Variants in GPC5 observed in about 807,000 individuals in gnomAD.
GPC5 encodes glypican-5.
A neutral mutation model predicts 53.9 loss-of-function variants in GPC5; 47 were observed. The observed-to-expected ratio is 0.87, with a 90% CI of 0.69 to 1.11. GPC5 has a LOEUF of 1.11. Among genes scored for constraint, GPC5 ranks in the 50% most tolerant of loss-of-function variants. The pLI is 0.00. For missense variants in GPC5, 748 were observed against 713.1 expected (o/e 1.05, Z -0.56); for synonymous variants, 286 against 263.3 (o/e 1.09, Z -0.84).
At chr13:92,428,923 G>T (rs188853542) in intron 7 of GPC5, among the ~76,000 whole-genome samples, 1 of 152,098 alleles carries the variant, frequency 6.6e-6, no homozygotes, top group East Asian at 1.9e-4. Context: ...ACATGTAAAA[G>T]CTTACTATAT....
chr13:92,787,876 CAA>C (rs11346705), intron 7 of GPC5, among the ~76,000 whole-genome samples: 21 of 85,920 alleles, frequency 2.4e-4, no homozygotes, highest in Admixed American at 4.9e-4. Context: ...GACCCTGTCT[CAA>C]AAAAAAAAAA....
At chr13:92,054,425 T>C (rs1231932157) in intron 6 of GPC5, among the ~76,000 whole-genome samples, 4 of 152,180 alleles carry the variant, frequency 2.6e-5, no homozygotes, top group African/African-American at 9.6e-5. Context: ...TTATTGATCA[T>C]TTACTGTGAA....
At chr13:92,449,510 TG>T in intron 7 of GPC5, among the ~76,000 whole-genome samples, 1 of 152,210 alleles carries the variant, frequency 6.6e-6, no homozygotes, top group African/African-American at 2.4e-5. Flanking sequence ...AATACATGAC[TG>T]TATGCTGTAT....
At chr13:91,646,224 A>C (rs80110037) in intron 2 of GPC5, among the ~76,000 whole-genome samples, 4,726 of 152,246 alleles carry the variant, frequency 0.031, 243 homozygotes, top group African/African-American at 0.11. Flanking sequence ...CTTTCCCTAA[A>C]ATATGCAACC....
intron 5 of GPC5, among the ~76,000 whole-genome samples, chr13:91,783,610 A>G (rs1327184784): frequency 6.6e-6 from 1 of 151,478 alleles, no homozygotes; most frequent in Non-Finnish European, 1.5e-5. Flanking sequence ...ATTTTTGTAC[A>G]TATTTTTTTT....
At chr13:91,441,550 C>T (rs1880429031) in intron 1 of GPC5, among the ~76,000 whole-genome samples, 1 of 152,180 alleles carries the variant, frequency 6.6e-6, no homozygotes, top group Non-Finnish European at 1.5e-5. Context: ...AATTCATTTT[C>T]AGCAGTAGAG....
intron 2 of GPC5, among the ~76,000 whole-genome samples, chr13:91,638,026 G>C (rs571328026): frequency 6.6e-6 from 1 of 152,328 alleles, no homozygotes; most frequent in Admixed American, 6.5e-5. Context: ...TCAACAGGCA[G>C]AGAGAAAAAG....
chr13:92,462,476 A>C (rs1406308402), intron 7 of GPC5, among the ~76,000 whole-genome samples: 1 of 152,188 alleles, frequency 6.6e-6, no homozygotes, highest in Non-Finnish European at 1.5e-5. Context: ...ATTTACTCAG[A>C]TGTGGCAGAA....
At chr13:91,789,162 A>C (rs552580422) in intron 5 of GPC5, among the ~76,000 whole-genome samples, 1 of 152,274 alleles carries the variant, frequency 6.6e-6, no homozygotes, top group East Asian at 1.9e-4. Context: ...GCAGTGAGCC[A>C]AGATCGTGCC....
chr13:92,205,267 C>T (rs1465480388), intron 7 of GPC5, among the ~76,000 whole-genome samples: 1 of 152,142 alleles, frequency 6.6e-6, no homozygotes, highest in Admixed American at 6.5e-5. Flanking sequence ...ATGGCATGAT[C>T]TTGGAGACCT....
intron 2 of GPC5, among the ~76,000 whole-genome samples, chr13:91,647,675 A>G (rs10219980): frequency 0.17 from 26,340 of 152,146 alleles, 2,537 homozygotes; most frequent in East Asian, 0.29. Context: ...TCTTCTTTAG[A>G]CTACACAGCA....
intron 7 of GPC5, among the ~76,000 whole-genome samples, chr13:92,319,410 TA>T (rs67635557): frequency 0.22 from 23,649 of 108,628 alleles, 2,656 homozygotes; most frequent in African/African-American, 0.38. Context: ...TCTCTGAAAC[TA>T]AAAAAAAAAA....
intron 7 of GPC5, among the ~76,000 whole-genome samples, chr13:92,536,422 T>C (rs530712473): frequency 1.3e-5 from 2 of 152,276 alleles, no homozygotes; most frequent in Admixed American, 6.5e-5. Context: ...TAAATTAGCA[T>C]ACTTTTTGTT....
chr13:91,792,308 G>A (rs1451219648), intron 5 of GPC5, among the ~76,000 whole-genome samples: 7 of 152,098 alleles, frequency 4.6e-5, no homozygotes, highest in Non-Finnish European at 8.8e-5. Flanking sequence ...ATGACTATTG[G>A]TTTAGTAACA....
chr13:92,035,146 C>T (rs1239580373), intron 6 of GPC5, among the ~76,000 whole-genome samples: 1 of 142,214 alleles, frequency 7.0e-6, no homozygotes, highest in Non-Finnish European at 1.5e-5. Context: ...ACCCGGGAGG[C>T]GGGGCTTGCA....
chr13:91,456,963 G>A (rs1299283007), intron 2 of GPC5, among the ~76,000 whole-genome samples: 1 of 151,530 alleles, frequency 6.6e-6, no homozygotes, highest in Non-Finnish European at 1.5e-5. Context: ...AGAGGCTGGT[G>A]GAAAGACAAA....
chr13:92,758,856 T>C (rs1875027041), intron 7 of GPC5, among the ~76,000 whole-genome samples: 1 of 152,072 alleles, frequency 6.6e-6, no homozygotes, highest in Admixed American at 6.6e-5. Flanking sequence ...AGTTTTATGA[T>C]TTCCAGTCTC....
At chr13:92,417,263 T>A (rs543746348) in intron 7 of GPC5, among the ~76,000 whole-genome samples, 1 of 152,194 alleles carries the variant, frequency 6.6e-6, no homozygotes, top group Non-Finnish European at 1.5e-5. Flanking sequence ...ATGTTCAACA[T>A]CCTTAGCTGT....
At position 92,849,301 on chromosome 13, in the gene GPC5, CTTCT is replaced by C. The variant is rs547594882; in HGVS notation, c.1562-16978_1562-16975del. Among the ~76,000 whole-genome samples the C allele has an allele frequency of 1.9e-3, 296 of 152,242 alleles. 1 individual carries two copies. Among genetic ancestry groups the C allele is most frequent in the African/African-American group, 6.9e-3 (285 of 41,546 alleles). ...GCTATCCCCTGGGCCAATGGAATTG[CTTCT>C]TTAAGAATAATGTACACAGAATATT... On this transcript the variant is annotated intron_variant, in intron 7 of 7. Transcript: ENST00000377067.
Sources: gnomAD v4.1 joint callset for allele counts (sites outside exome capture counted in the v4.1 genomes callset) on GRCh38, gnomAD v4.1.1 for gene constraint, MANE v1.5 for transcripts, NCBI Gene and HGNC (gene_info 2026-07-23, HGNC 2026-07-21) for gene names.